CASK: variants seen among roughly 807,000 people sequenced by gnomAD.
CASK encodes the protein calcium/calmodulin dependent serine protein kinase.
A neutral mutation model predicts 82.9 loss-of-function variants in CASK; 4 were observed. The observed-to-expected ratio is 0.05, with a 90% confidence interval of 0.02 to 0.11. The LOEUF is 0.11. CASK is among the 10% of genes least tolerant of loss of function. The pLI is 1.00. For missense variants in CASK, 358 were observed against 720.9 expected, an observed-to-expected ratio of 0.50 and a Z score of 5.76; for synonymous variants, 259 against 253.5, an observed-to-expected ratio of 1.02 and a Z score of -0.20.
chrX:41,799,236 G>A (rs937470000), intron 2 of CASK, among the ~76,000 whole-genome samples: 5 of 111,828 alleles, frequency 4.5e-5, no homozygotes, highest in Non-Finnish European at 7.5e-5. Flanking sequence ...TATTAAGACA[G>A]AATCATTAAA....
At chrX:41,618,006 G>A (rs1375405687) in intron 11 of CASK, among the ~76,000 whole-genome samples, 2 of 111,815 alleles carry the variant, frequency 1.8e-5, no homozygotes, top group Non-Finnish European at 3.8e-5. Flanking sequence ...CAGGACTGTA[G>A]GTATCCTATT....
intron 15 of CASK, among the ~76,000 whole-genome samples, chrX:41,573,323 T>C (rs960958130): frequency 3.7e-5 from 4 of 109,363 alleles, no homozygotes; most frequent in African/African-American, 1.3e-4. Context: ...TTTCTTGTGC[T>C]TGGGGTTTGC....
At chrX:41,651,480 A>G (rs1240542597) in intron 8 of CASK, among the ~76,000 whole-genome samples, 1 of 111,941 alleles carries the variant, frequency 8.9e-6, no homozygotes, top group Non-Finnish European at 1.9e-5. Context: ...GTGAATGCAT[A>G]TTTTTGAAGT....
intron 5 of CASK, among the ~76,000 whole-genome samples, chrX:41,722,710 T>C (rs1569418926): frequency 8.9e-6 from 1 of 112,293 alleles, no homozygotes; most frequent in Non-Finnish European, 1.9e-5. Context: ...GGATGATTCG[T>C]AAGTTTTTGG....
At chrX:41,839,451 T>C (rs779731153) in intron 2 of CASK, among the ~76,000 whole-genome samples, 3 of 111,909 alleles carry the variant, frequency 2.7e-5, no homozygotes, top group South Asian at 7.4e-4. Context: ...CAGGTGTTCT[T>C]TGCGAGTATA....
At chrX:41,848,237 G>A (rs1329470867) in intron 2 of CASK, among the ~76,000 whole-genome samples, 2 of 111,753 alleles carry the variant, frequency 1.8e-5, no homozygotes, top group Non-Finnish European at 3.8e-5. Flanking sequence ...GGTATTGCAA[G>A]AGGGGTTGCT....
intron 4 of CASK, among the ~76,000 whole-genome samples, chrX:41,741,174 C>G (rs952384478): frequency 1.8e-5 from 2 of 111,678 alleles, no homozygotes; most frequent in African/African-American, 6.5e-5. Flanking sequence ...TGAGCCACCA[C>G]GCCTGGCCAT....
At chrX:41,918,460 A>T (rs1177724644) in intron 1 of CASK, among the ~76,000 whole-genome samples, 1 of 112,411 alleles carries the variant, frequency 8.9e-6, no homozygotes, top group African/African-American at 3.2e-5. Context: ...TCCATACTAA[A>T]CTGATAAATT....
chrX:41,912,782 C>A (rs1162969486), intron 1 of CASK, among the ~76,000 whole-genome samples: 1 of 89,243 alleles, frequency 1.1e-5, no homozygotes, highest in Non-Finnish European at 2.4e-5. Context: ...TTCCCTCTTG[C>A]AAGTAATTTA....
chrX:41,825,690 G>A, intron 2 of CASK, among the ~76,000 whole-genome samples: 1 of 111,623 alleles, frequency 9.0e-6, no homozygotes, highest in Non-Finnish European at 1.9e-5. Flanking sequence ...TCTACCACTG[G>A]TTAGCAGATG....
intron 3 of CASK, among the ~76,000 whole-genome samples, chrX:41,749,091 C>G (rs1336947394): frequency 9.1e-6 from 1 of 110,384 alleles, no homozygotes; most frequent in Non-Finnish European, 1.9e-5. Context: ...TCGCGACCAG[C>G]CTGGCCAACA....
At chrX:41,765,531 G>A (rs1434031680) in intron 3 of CASK, among the ~76,000 whole-genome samples, 1 of 111,454 alleles carries the variant, frequency 9.0e-6, no homozygotes, top group Non-Finnish European at 1.9e-5. Flanking sequence ...TTGCCATAAT[G>A]GAGTATTCAG....
intron 14 of CASK, among the ~76,000 whole-genome samples, chrX:41,580,242 T>C (rs771984109): frequency 4.5e-5 from 5 of 112,335 alleles, no homozygotes; most frequent in Non-Finnish European, 9.4e-5. Context: ...GCTAAAATTA[T>C]GTTCGTCATA....
At chrX:41,833,023 G>A (rs1375954781) in intron 2 of CASK, among the ~76,000 whole-genome samples, 2 of 112,176 alleles carry the variant, frequency 1.8e-5, no homozygotes, top group African/African-American at 6.5e-5. Context: ...CAACAAGATA[G>A]AAGAGTGTTG....
chrX:41,735,162 CAG>C (rs1239490651), intron 5 of CASK, among the ~76,000 whole-genome samples: 2 of 111,165 alleles, frequency 1.8e-5, no homozygotes, highest in Non-Finnish European at 3.8e-5. Context: ...CTAGATGAAA[CAG>C]ATGATAAAAT....
intron 2 of CASK, among the ~76,000 whole-genome samples, chrX:41,850,745 G>T (rs940222329): frequency 1.8e-5 from 2 of 111,927 alleles, no homozygotes; most frequent in African/African-American, 6.5e-5. Flanking sequence ...GACCAGAAGA[G>T]CAGAGGAGTT....
Position 41,520,093 on chromosome X carries a change from A to G in CASK, c.*327T>C. On this transcript the variant is annotated 3_prime_UTR_variant, in exon 27 of 27. Transcript: ENST00000378163. ...AAATAGATTATAGAAAGCAGCATCTATTTTGTGCAGTTTTTAGGGGCCTTG... is the reference window on the plus strand; with the variant it reads ...AAATAGATTATAGAAAGCAGCATCTGTTTTGTGCAGTTTTTAGGGGCCTTG... 6.1e-6 allele frequency: 1 copy of G among 162,732 alleles called. No homozygotes were observed. The highest frequency in any genetic ancestry group is 1.2e-5 in the Non-Finnish European group (1 of 85,588). 13.4% of individuals were successfully genotyped at this position (162,732 alleles called of 1,213,427 possible). A position where few individuals can be genotyped will look rare whatever the true frequency, so the allele number is the denominator to read the frequency against.
intron 21 of CASK, among the ~76,000 whole-genome samples, chrX:41,548,333 G>A (rs1358153350): frequency 9.0e-6 from 1 of 111,550 alleles, no homozygotes; most frequent in Admixed American, 9.6e-5. Flanking sequence ...ATATTTTGCT[G>A]AGGATTTTTA....
At chrX:41,653,864 A>T (rs2066898050) in intron 8 of CASK, among the ~76,000 whole-genome samples, 1 of 112,393 alleles carries the variant, frequency 8.9e-6, no homozygotes, top group Admixed American at 9.4e-5. Flanking sequence ...CTCACTACTG[A>T]ACAATCAACA....
Sources: gnomAD v4.1 joint callset for allele counts (sites outside exome capture counted in the v4.1 genomes callset) on GRCh38, gnomAD v4.1.1 for gene constraint, MANE v1.5 for transcripts, NCBI Gene and HGNC (gene_info 2026-07-23, HGNC 2026-07-21) for gene names.